CBFA2T2: variants seen among roughly 807,000 people sequenced by gnomAD.
CBFA2T2 encodes CBFA2/RUNX1 partner transcriptional co-repressor 2.
Under a neutral mutation model 62.2 loss-of-function variants are expected in CBFA2T2, and 11 were observed. The ratio of observed to expected loss-of-function variants is 0.18; its 90% CI spans 0.11 to 0.29. The LOEUF is 0.29. Ranked by LOEUF, CBFA2T2 falls within the 10% of genes least tolerant of loss-of-function variation. The pLI is 1.00. For missense variants in CBFA2T2, 592 were observed against 774.1 expected (o/e 0.76, Z 2.79); for synonymous variants, 295 against 287.5 (o/e 1.03, Z -0.27).
chr20:33,539,771 C>G (rs1468239085), intron 1 of CBFA2T2, among the ~76,000 whole-genome samples: 1 of 151,378 alleles, frequency 6.6e-6, no homozygotes, highest in Non-Finnish European at 1.5e-5. Flanking sequence ...ACTTCAGCCT[C>G]AAACTCCTAG....
At chr20:33,601,304 G>A (rs551790235) in intron 1 of CBFA2T2, among the ~76,000 whole-genome samples, 6 of 151,874 alleles carry the variant, frequency 4.0e-5, no homozygotes, top group Non-Finnish European at 5.9e-5. Flanking sequence ...TCGCTCTGTC[G>A]CCCAGACTGG....
At chr20:33,502,079 C>T (rs940355259) in intron 1 of CBFA2T2, among the ~76,000 whole-genome samples, 1 of 152,206 alleles carries the variant, frequency 6.6e-6, no homozygotes, top group African/African-American at 2.4e-5. Flanking sequence ...CGCAAGCCAC[C>T]TTATGTGGCA....
intron 2 of CBFA2T2, among the ~76,000 whole-genome samples, chr20:33,608,836 G>C (rs1338348019): frequency 6.6e-6 from 1 of 152,166 alleles, no homozygotes; most frequent in East Asian, 1.9e-4. Flanking sequence ...ATGGTAATGT[G>C]TTATTTTTAT....
At chr20:33,605,264 T>G (rs2015296250) in intron 1 of CBFA2T2, among the ~76,000 whole-genome samples, 1 of 152,234 alleles carries the variant, frequency 6.6e-6, no homozygotes, top group Non-Finnish European at 1.5e-5. Flanking sequence ...AGCTGTGCTC[T>G]CACAGAAGGA....
chr20:33,607,971 AG>A (rs762016078), intron 2 of CBFA2T2, among the ~76,000 whole-genome samples: 1 of 152,216 alleles, frequency 6.6e-6, no homozygotes, highest in African/African-American at 2.4e-5. Flanking sequence ...TACACCCACC[AG>A]GATGTTCAAA....
At chr20:33,633,566 A>G (rs554580749) in intron 8 of CBFA2T2, among the ~76,000 whole-genome samples, 10 of 152,310 alleles carry the variant, frequency 6.6e-5, no homozygotes, top group African/African-American at 2.4e-4. Flanking sequence ...ATGATTCACA[A>G]TGTTTTCACA....
chr20:33,557,095 A>G (rs1281013201), intron 1 of CBFA2T2, among the ~76,000 whole-genome samples: 2 of 136,266 alleles, frequency 1.5e-5, no homozygotes, highest in African/African-American at 5.7e-5. Flanking sequence ...GCTCACTGCA[A>G]CCTCCGCCTC....
chr20:33,512,215 C>T lies in CBFA2T2; in HGVS notation c.34+21914C>T, dbSNP rs149254158. Among the ~76,000 whole-genome samples the T allele has an allele frequency of 3.8e-3, 580 of 151,724 alleles. 1 individual carries two copies. Among genetic ancestry groups the T allele is most frequent in the Non-Finnish European group, 5.8e-3 (394 of 67,848 alleles). On this transcript the variant is annotated intron_variant, in intron 1 of 10. Coordinates refer to ENST00000342704, the MANE Select transcript of CBFA2T2 (RefSeq NM_001032999.3). ...TTAGCCGGGCATGGCGGTGTGCAGGCGGTGTGCACCTGTTAATCCCAGCCT... is the reference window on the plus strand; with the variant it reads ...TTAGCCGGGCATGGCGGTGTGCAGGTGGTGTGCACCTGTTAATCCCAGCCT...
chr20:33,607,112 A>G lies in CBFA2T2; in HGVS notation c.178+13A>G, dbSNP rs1258168470. 1 of 1,610,782 alleles carries G rather than the reference A, an allele frequency of 6.2e-7. No homozygotes were observed. Among genetic ancestry groups the G allele is most frequent in the South Asian group, 1.1e-5 (1 of 90,762 alleles). On this transcript the variant is annotated intron_variant, in intron 2 of 10. Transcript: ENST00000342704. ...ACTCCTACTGCATGTGAGACCTCTT[A>G]GTTACTTATGTTTGTAGTTCAGAGT...
chr20:33,615,785 C>G (rs1426884396), intron 3 of CBFA2T2, among the ~76,000 whole-genome samples: 2 of 151,968 alleles, frequency 1.3e-5, no homozygotes, highest in Non-Finnish European at 2.9e-5. Flanking sequence ...AGAGAGAAGA[C>G]AGCAGATTCA....
At chr20:33,532,723 C>T (rs147933934) in intron 1 of CBFA2T2, among the ~76,000 whole-genome samples, 5 of 152,244 alleles carry the variant, frequency 3.3e-5, no homozygotes, top group African/African-American at 7.2e-5. Flanking sequence ...TTGTATTTAT[C>T]GGTAAAATAA....
At position 33,644,903 on chromosome 20, in the gene CBFA2T2, C is replaced by T. The variant is rs2016996879; in HGVS notation, c.*257C>T. The T allele has an allele frequency of 4.1e-6, 2 of 488,718 alleles. No homozygotes were observed. The highest frequency in any genetic ancestry group is 3.8e-5 in the Admixed American group (1 of 26,246). 30.3% of individuals were successfully genotyped at this position (488,718 alleles called of 1,614,324 possible). On this transcript the variant is annotated 3_prime_UTR_variant, in exon 11 of 11. Coordinates refer to ENST00000342704, the MANE Select transcript of CBFA2T2 (RefSeq NM_001032999.3). ...TCCATGGCTTTCCTGGTTTGTTCCT[C>T]TCTCCACTGAAGCTGACTTAGCCGG... is the stretch of plus-strand genomic sequence containing the variant.
intron 10 of CBFA2T2, among the ~76,000 whole-genome samples, chr20:33,644,032 A>G (rs2016960511): frequency 6.6e-6 from 1 of 151,692 alleles, no homozygotes; most frequent in Non-Finnish European, 1.5e-5. Context: ...AGATGAGTCC[A>G]TGCCTTAGGC....
intron 8 of CBFA2T2, among the ~76,000 whole-genome samples, chr20:33,630,901 C>G (rs1004781206): frequency 6.6e-6 from 1 of 152,188 alleles, no homozygotes; most frequent in Non-Finnish European, 1.5e-5. Context: ...CCTTTCCCCA[C>G]CCCACCCACA....
chr20:33,596,559 CAGTCTCTT>C (rs2014899532), intron 1 of CBFA2T2, among the ~76,000 whole-genome samples: 1 of 152,018 alleles, frequency 6.6e-6, no homozygotes, highest in Non-Finnish European at 1.5e-5. Context: ...TTTTCTTTTT[CAGTCTCTT>C]TTTTTAGTTT....
At chr20:33,524,552 G>A (rs1461064366) in intron 1 of CBFA2T2, among the ~76,000 whole-genome samples, 2 of 151,986 alleles carry the variant, frequency 1.3e-5, no homozygotes, top group South Asian at 2.1e-4. Context: ...ACTTGCAAAC[G>A]TTGTTCTCAT....
intron 1 of CBFA2T2, among the ~76,000 whole-genome samples, chr20:33,555,811 C>A (rs758555055): frequency 1.4e-4 from 21 of 152,206 alleles, no homozygotes; most frequent in Non-Finnish European, 2.9e-4. Context: ...TGTCATCACA[C>A]ACTGAATTTA....
At chr20:33,491,009 G>GT (rs2011142845) in intron 1 of CBFA2T2, among the ~76,000 whole-genome samples, 1 of 152,154 alleles carries the variant, frequency 6.6e-6, no homozygotes, top group Admixed American at 6.6e-5. Flanking sequence ...TTAAGATTTT[G>GT]TTTTGTTGTC....
At position 33,644,881 on chromosome 20, in the gene CBFA2T2, A is replaced by C; in HGVS notation, c.*235A>C. 2 of 522,648 alleles carry C rather than the reference A, an allele frequency of 3.8e-6. No individual in the cohort carries two copies. The highest frequency in any genetic ancestry group is 3.6e-5 in the Admixed American group (1 of 27,454). The allele number at this position is 522,648 out of a possible 1,614,324, so 32.4% of individuals were successfully genotyped here. On this transcript the variant is annotated 3_prime_UTR_variant, in exon 11 of 11. Coordinates refer to ENST00000342704, the MANE Select transcript of CBFA2T2 (RefSeq NM_001032999.3). ...GCAGCCAGCCTGAGCTGCCTCCTCC[A>C]TGGCTTTCCTGGTTTGTTCCTCTCT...
Sources: gnomAD v4.1 joint callset for allele counts (sites outside exome capture counted in the v4.1 genomes callset) on GRCh38, gnomAD v4.1.1 for gene constraint, MANE v1.5 for transcripts, NCBI Gene and HGNC (gene_info 2026-07-23, HGNC 2026-07-21) for gene names.